The following RBFOX1 variants were observed in gnomAD, a reference collection of about 807,000 sequenced individuals.
The protein encoded by RBFOX1 is RNA binding protein fox-1 homolog 1.
A neutral mutation model predicts 57.7 loss-of-function variants in RBFOX1; 8 were observed. The ratio of observed to expected loss-of-function variants is 0.14; its 90% CI spans 0.08 to 0.25. The LOEUF (loss-of-function observed/expected upper bound fraction) is 0.25, where lower values mean the gene tolerates loss of function less well. Ranked by LOEUF, RBFOX1 falls within the 10% of genes least tolerant of loss-of-function variation. The pLI is 1.00. For synonymous variants in RBFOX1, 326 were observed against 222.4 expected, an observed-to-expected ratio of 1.47 and a Z score of -4.15; for missense variants, 611 against 548.5, an observed-to-expected ratio of 1.11 and a Z score of -1.14.
At chr16:7,509,190 C>G (rs1480599028) in intron 4 of RBFOX1, among the ~76,000 whole-genome samples, 1 of 152,138 alleles carries the variant, frequency 6.6e-6, no homozygotes, top group African/African-American at 2.4e-5. Context: ...GAAAGCAAGA[C>G]CCCTGTACTT....
chr16:5,637,096 C>A (rs1421475438), intron 3 of RBFOX1, among the ~76,000 whole-genome samples: 1 of 152,190 alleles, frequency 6.6e-6, no homozygotes, highest in Non-Finnish European at 1.5e-5. Context: ...GCATCATTAG[C>A]AGTTTCTGAG....
chr16:5,848,905 T>C (rs2056821559), intron 3 of RBFOX1, among the ~76,000 whole-genome samples: 1 of 151,862 alleles, frequency 6.6e-6, no homozygotes, highest in Non-Finnish European at 1.5e-5. Context: ...GCCGAGATCA[T>C]GCCACTGCAC....
intron 2 of RBFOX1, among the ~76,000 whole-genome samples, chr16:6,519,517 A>C (rs11644444): frequency 1.3e-5 from 2 of 151,778 alleles, no homozygotes; most frequent in Non-Finnish European, 2.9e-5. Flanking sequence ...CCTGGCCAAC[A>C]TGACAAAACC....
At chr16:7,145,928 C>T (rs761977091) in intron 4 of RBFOX1, among the ~76,000 whole-genome samples, 9 of 152,208 alleles carry the variant, frequency 5.9e-5, no homozygotes, top group South Asian at 2.1e-4. Context: ...GCGGAGTAGC[C>T]GTAGTGGACA....
chr16:6,251,678 T>G (rs1382389462), intron 1 of RBFOX1, among the ~76,000 whole-genome samples: 2 of 152,080 alleles, frequency 1.3e-5, no homozygotes, highest in African/African-American at 4.8e-5. Context: ...GGTGCATCAG[T>G]ACATGTGAGT....
At chr16:7,565,094 G>A (rs2091355871) in intron 5 of RBFOX1, among the ~76,000 whole-genome samples, 6 of 152,208 alleles carry the variant, frequency 3.9e-5, no homozygotes, top group Admixed American at 3.9e-4. Flanking sequence ...GCCCCGTTTT[G>A]AAGTAGGATT....
chr16:7,317,031 A>T (rs2096457203), intron 4 of RBFOX1, among the ~76,000 whole-genome samples: 1 of 151,660 alleles, frequency 6.6e-6, no homozygotes, highest in South Asian at 2.1e-4. Context: ...GAGTTAAATG[A>T]CCATATTTAG....
rs189726361 is a variant in RBFOX1, at chr16:7,138,036, G to A, written c.27+85938G>A. On this transcript the variant is annotated intron_variant, in intron 4 of 15. Transcript: ENST00000550418. ...TTGCCCGAGGTGACACAGCAGAGGA[G>A]CTGGAATTTTAGTCACCATCTTAAG... 1.4e-4 allele frequency among the ~76,000 whole-genome samples: 21 copies of A among 152,320 alleles called. No homozygotes were observed. The East Asian group carries it at 3.9e-3, about 28-fold the overall frequency.
intron 4 of RBFOX1, among the ~76,000 whole-genome samples, chr16:7,084,398 G>T (rs76504912): frequency 2.6e-5 from 4 of 152,132 alleles, no homozygotes; most frequent in Admixed American, 6.5e-5. Context: ...AAATAATCTT[G>T]CTATGTACAC....
At chr16:5,469,257 A>C (rs1465259846) in intron 2 of RBFOX1, among the ~76,000 whole-genome samples, 5 of 152,108 alleles carry the variant, frequency 3.3e-5, no homozygotes, top group African/African-American at 1.2e-4. Flanking sequence ...ACATCCCAGC[A>C]CCTGTGCTCA....
chr16:6,069,344 G>C (rs1479754190), intron 1 of RBFOX1, among the ~76,000 whole-genome samples: 1 of 148,730 alleles, frequency 6.7e-6, no homozygotes, highest in Non-Finnish European at 1.5e-5. Context: ...GTTGCAGTGA[G>C]CCGAGATTGT....
chr16:6,625,409 T>C (rs1449207786), intron 2 of RBFOX1, among the ~76,000 whole-genome samples: 1 of 152,174 alleles, frequency 6.6e-6, no homozygotes, highest in Non-Finnish European at 1.5e-5. Context: ...AGATGGCATG[T>C]ATAGGTGTCA....
chr16:6,979,344 A>G (rs914978878), intron 3 of RBFOX1, among the ~76,000 whole-genome samples: 3 of 151,844 alleles, frequency 2.0e-5, no homozygotes, highest in East Asian at 3.9e-4. Context: ...GCTATTAGCT[A>G]TCAGTGTAAT....
At chr16:5,865,953 GCTCT>G (rs2057334919) in intron 3 of RBFOX1, among the ~76,000 whole-genome samples, 1 of 151,942 alleles carries the variant, frequency 6.6e-6, no homozygotes, top group Non-Finnish European at 1.5e-5. Context: ...TAAGTTCTCT[GCTCT>G]CTCTCCTCTT....
intron 2 of RBFOX1, among the ~76,000 whole-genome samples, chr16:6,430,995 A>G (rs1281579108): frequency 6.8e-6 from 1 of 147,788 alleles, no homozygotes; most frequent in Non-Finnish European, 1.5e-5. Flanking sequence ...AAAATTAGCC[A>G]GGTGTGTTGC....
At chr16:7,268,358 A>G (rs564076011) in intron 4 of RBFOX1, among the ~76,000 whole-genome samples, 2 of 152,304 alleles carry the variant, frequency 1.3e-5, no homozygotes, top group Non-Finnish European at 2.9e-5. Flanking sequence ...GCTGCTGAAG[A>G]AGTCCAGGCA....
At chr16:6,356,416 C>T (rs1320499031) in intron 2 of RBFOX1, among the ~76,000 whole-genome samples, 1 of 152,166 alleles carries the variant, frequency 6.6e-6, no homozygotes, top group Non-Finnish European at 1.5e-5. Context: ...CCAGCCTGGG[C>T]AACAGAGCGA....
At chr16:6,985,747 T>C (rs1599195156) in intron 3 of RBFOX1, among the ~76,000 whole-genome samples, 2 of 147,010 alleles carry the variant, frequency 1.4e-5, no homozygotes, top group Non-Finnish European at 3.0e-5. Flanking sequence ...GGCATAAGAA[T>C]TGCTTGAACC....
intron 3 of RBFOX1, among the ~76,000 whole-genome samples, chr16:5,773,734 G>T (rs759593366): frequency 6.6e-6 from 1 of 152,184 alleles, no homozygotes; most frequent in Non-Finnish European, 1.5e-5. Context: ...GTCTCGCTCT[G>T]TTGCCCAGGC....
Sources: gnomAD v4.1 joint callset for allele counts (sites outside exome capture counted in the v4.1 genomes callset) on GRCh38, gnomAD v4.1.1 for gene constraint, MANE v1.5 for transcripts, NCBI Gene and HGNC (gene_info 2026-07-23, HGNC 2026-07-21) for gene names.